The following DTNA variants were observed in gnomAD, a reference collection of about 807,000 sequenced individuals.
The protein encoded by DTNA is dystrobrevin alpha, also known as dystrophin-related protein 3.
Under a neutral mutation model 100.7 loss-of-function variants are expected in DTNA, and 43 were observed. The observed-to-expected ratio is 0.43, with a 90% confidence interval of 0.33 to 0.55. The LOEUF is 0.55. Ranked by LOEUF, DTNA falls within the 20% of genes least tolerant of loss-of-function variation. The pLI, the probability that DTNA is intolerant of heterozygous loss-of-function variation, is 0.04. For synonymous variants in DTNA, 349 were observed against 347.9 expected, an observed-to-expected ratio of 1.00 and a Z score of -0.04; for missense variants, 798 against 953.9, an observed-to-expected ratio of 0.84 and a Z score of 2.15.
chr18:34,734,202 G>T (rs1312738258), intron 1 of DTNA, among the ~76,000 whole-genome samples: 4 of 152,132 alleles, frequency 2.6e-5, no homozygotes, highest in Non-Finnish European at 4.4e-5. Flanking sequence ...ACATTATCTT[G>T]CTTGACAACT....
At chr18:34,769,724 G>GTTTTTTTTTTTTTTTTTTTTTTTTTTT (rs1264439291) in intron 3 of DTNA, among the ~76,000 whole-genome samples, 92 of 41,316 alleles carry the variant, frequency 2.2e-3, no homozygotes, top group South Asian at 4.2e-3. Flanking sequence ...GCCCTCTGGG[G>GTTTTTTTTTTTTTTTTTTTTTTTTTTT]CTTTTTTTTT....
chr18:34,848,948 A>G (rs1026378305), intron 14 of DTNA, among the ~76,000 whole-genome samples: 2 of 152,146 alleles, frequency 1.3e-5, no homozygotes, highest in Admixed American at 6.5e-5. Context: ...TGTTGCCTGC[A>G]CCTCTCACAT....
At chr18:34,643,476 G>A (rs1599498166) in intron 1 of DTNA, among the ~76,000 whole-genome samples, 4 of 152,322 alleles carry the variant, frequency 2.6e-5, no homozygotes, top group Admixed American at 2.6e-4. Context: ...TAAGCAATGT[G>A]TTAATTAGCC....
At chr18:34,629,928 C>T (rs1237968089) in intron 1 of DTNA, among the ~76,000 whole-genome samples, 1 of 152,202 alleles carries the variant, frequency 6.6e-6, no homozygotes, top group Non-Finnish European at 1.5e-5. Flanking sequence ...TCCTCAGCAG[C>T]CCAGTCCAGA....
intron 3 of DTNA, among the ~76,000 whole-genome samples, chr18:34,785,039 C>T (rs761826918): frequency 1.8e-4 from 27 of 151,730 alleles, no homozygotes; most frequent in Non-Finnish European, 3.8e-4. Context: ...CTCAGCCTCC[C>T]GAGTAGCTGG....
intron 11 of DTNA, among the ~76,000 whole-genome samples, chr18:34,829,715 A>G (rs1368127618): frequency 1.3e-5 from 2 of 152,182 alleles, no homozygotes; most frequent in Non-Finnish European, 2.9e-5. Context: ...TCATACCGGT[A>G]TATAAGAGAT....
intron 16 of DTNA, among the ~76,000 whole-genome samples, chr18:34,859,650 G>A (rs2096594152): frequency 6.6e-6 from 1 of 152,180 alleles, no homozygotes; most frequent in African/African-American, 2.4e-5. Context: ...TGTTACTTGG[G>A]TGTGGAAAGG....
intron 17 of DTNA, among the ~76,000 whole-genome samples, chr18:34,868,993 G>A (rs117921755): frequency 0.022 from 3,275 of 152,254 alleles, 38 homozygotes; most frequent in Non-Finnish European, 0.033. Context: ...GTCTAAAACT[G>A]AGTAGACTGA....
At chr18:34,885,152 C>T (rs948953449) in intron 22 of DTNA, among the ~76,000 whole-genome samples, 1 of 152,126 alleles carries the variant, frequency 6.6e-6, no homozygotes, top group Non-Finnish European at 1.5e-5. Flanking sequence ...AAGTCAGTAC[C>T]TCTAGAGATG....
At chr18:34,825,384 GTCTTCTTAT>G in intron 9 of DTNA, 2 of 1,352,028 alleles carry the variant, frequency 1.5e-6, no homozygotes, top group Admixed American at 1.7e-5. Flanking sequence ...TTAGAACTAA[GTCTTCTTAT>G]GCTGTACACT....
chr18:34,578,571 A>ATG (rs1205410980), intron 1 of DTNA, among the ~76,000 whole-genome samples: 2 of 151,712 alleles, frequency 1.3e-5, no homozygotes, highest in African/African-American at 4.9e-5. Flanking sequence ...GGTTTTTTTG[A>ATG]TGTTATCTTC....
At chr18:34,549,389 A>G (rs2045156087) in intron 1 of DTNA, among the ~76,000 whole-genome samples, 1 of 152,122 alleles carries the variant, frequency 6.6e-6, no homozygotes, top group Non-Finnish European at 1.5e-5. Context: ...CAAGTGATTA[A>G]AAAGAAAATC....
chr18:34,507,915 T>TTATCA (rs1357360361), intron 1 of DTNA, among the ~76,000 whole-genome samples: 10 of 152,320 alleles, frequency 6.6e-5, no homozygotes, highest in African/African-American at 2.4e-4. Flanking sequence ...GATCCTTGAC[T>TTATCA]GGGTTTTTGG....
intron 4 of DTNA, 37 bp downstream of exon 4, chr18:34,794,287 T>C: frequency 6.2e-7 from 1 of 1,612,836 alleles, no homozygotes; most frequent in East Asian, 2.2e-5. Flanking sequence ...TCTCTACATG[T>C]TTGGCTTTCA....
At chr18:34,710,884 A>G (rs1302756748) in intron 1 of DTNA, among the ~76,000 whole-genome samples, 1 of 151,880 alleles carries the variant, frequency 6.6e-6, no homozygotes, top group Non-Finnish European at 1.5e-5. Context: ...TAAATTAAGC[A>G]GTAGGACAAA....
rs147759402 is a variant in DTNA at position 34,794,119 on chromosome 18, C to T, written c.231C>T (p.Asn77=). 1,465 of 1,614,166 alleles carry T rather than the reference C, an allele frequency of 9.1e-4. 12 individuals carry two copies. The African/African-American group carries it at 0.016, about 17-fold the overall frequency. ...ACCTGGACCCAAACACTGAACTCAACGTGTCCCGCTTAGAGGCTGTGCTCT... is the reference window on the plus strand; with the variant it reads ...ACCTGGACCCAAACACTGAACTCAATGTGTCCCGCTTAGAGGCTGTGCTCT... The part of the protein sequence containing the change: ...LNNLDPNTEL[N]VSRLEAVLST... Residue 77 remains asparagine, a synonymous_variant, in exon 4 of 23, where the codon AAC becomes AAT. Coordinates refer to ENST00000444659, the MANE Select transcript of DTNA (RefSeq NM_001386795.1).
chr18:34,829,067 T>C, intron 10 of DTNA: 8 of 1,614,148 alleles, frequency 5.0e-6, no homozygotes, highest in Non-Finnish European at 6.8e-6. Flanking sequence ...GGTGGATGCG[T>C]CTAGATGGAT....
At chr18:34,860,661 AC>A (rs1290769564) in intron 16 of DTNA, among the ~76,000 whole-genome samples, 1 of 152,154 alleles carries the variant, frequency 6.6e-6, no homozygotes, top group Non-Finnish European at 1.5e-5. Flanking sequence ...GTTAATGCAT[AC>A]TTTCATTTTT....
intron 1 of DTNA, among the ~76,000 whole-genome samples, chr18:34,704,622 T>A (rs1378679293): frequency 6.6e-6 from 1 of 152,208 alleles, no homozygotes; most frequent in Non-Finnish European, 1.5e-5. Context: ...TTTTCCATGT[T>A]CTTATCTCCC....
Sources: gnomAD v4.1 joint callset for allele counts (sites outside exome capture counted in the v4.1 genomes callset) on GRCh38, gnomAD v4.1.1 for gene constraint, MANE v1.5 for transcripts, NCBI Gene and HGNC (gene_info 2026-07-23, HGNC 2026-07-21) for gene names.